NOSTRIN: variants seen among roughly 807,000 people sequenced by gnomAD.
The protein encoded by NOSTRIN is BM247 homolog.
A neutral mutation model predicts 59.0 loss-of-function variants in NOSTRIN; 63 were observed. The ratio of observed to expected loss-of-function variants is 1.07; its 90% CI spans 0.87 to 1.32. The LOEUF (loss-of-function observed/expected upper bound fraction) is 1.32. Among genes scored for constraint, NOSTRIN ranks in the 40% most tolerant of loss-of-function variants. The pLI, the probability that NOSTRIN is intolerant of heterozygous loss-of-function variation, is 0.00. For synonymous variants in NOSTRIN, 200 were observed against 165.4 expected (o/e 1.21, Z -1.61); for missense variants, 512 against 473.1 (o/e 1.08, Z -0.76).
At chr2:168,837,298 A>ATTTT (rs1267903005) in intron 7 of NOSTRIN, among the ~76,000 whole-genome samples, 2 of 84,554 alleles carry the variant, frequency 2.4e-5, no homozygotes, top group African/African-American at 8.3e-5. Flanking sequence ...CTTTTTTAAC[A>ATTTT]TCTTTTTTTT....
intron 1 of NOSTRIN, among the ~76,000 whole-genome samples, chr2:168,808,991 T>C (rs934819350): frequency 1.3e-5 from 2 of 152,218 alleles, no homozygotes; most frequent in African/African-American, 4.8e-5. Flanking sequence ...ATGTGTATTA[T>C]TATTTTCTGT....
intron 8 of NOSTRIN, among the ~76,000 whole-genome samples, chr2:168,846,114 T>C (rs1688405367): frequency 6.6e-6 from 1 of 152,208 alleles, no homozygotes; most frequent in African/African-American, 2.4e-5. Context: ...GGCTTGTGTA[T>C]ACTCAGTCTA....
intron 4 of NOSTRIN, 64 bp from the exon 5 acceptor site, chr2:168,828,356 T>C: frequency 1.2e-6 from 1 of 864,040 alleles, no homozygotes; most frequent in Non-Finnish European, 2.0e-6. Context: ...CCCCAGAAAG[T>C]AATTTGGAAA....
chr2:168,835,799 TTAAA>T (rs992174587), intron 7 of NOSTRIN, among the ~76,000 whole-genome samples: 5 of 152,072 alleles, frequency 3.3e-5, no homozygotes, highest in Admixed American at 1.3e-4. Context: ...GACTCATATA[TTAAA>T]TAAGAGTAAG....
chr2:168,798,352 T>C (rs1314293820), upstream of NOSTRIN: 1 of 152,240 alleles, frequency 6.6e-6, no homozygotes, highest in Admixed American at 6.5e-5. Context: ...AAGTTTTGAA[T>C]TGCCATGAGC....
rs554570194 is a variant in NOSTRIN, at chr2:168,823,934, G to T, written c.114-700G>T. Among the ~76,000 whole-genome samples the T allele has an allele frequency of 2.6e-5, 4 of 152,216 alleles. 1 individual carries two copies. Among genetic ancestry groups the T allele is most frequent in the African/African-American group, 9.6e-5 (4 of 41,530 alleles). ...CTACTAAAAATACAAAATTAGCCGG[G>T]CATTGTGGTACGTGCCTGTAATCCC... is the stretch of plus-strand genomic sequence containing the variant. On this transcript the variant is annotated intron_variant, in intron 2 of 15. Coordinates refer to ENST00000317647, the MANE Select transcript of NOSTRIN (RefSeq NM_001039724.4).
intron 1 of NOSTRIN, among the ~76,000 whole-genome samples, chr2:168,805,935 G>A (rs1161313741): frequency 1.3e-5 from 2 of 152,190 alleles, no homozygotes; most frequent in African/African-American, 2.4e-5. Context: ...AGTGAGATGT[G>A]TAACATGCCA....
intron 2 of NOSTRIN, among the ~76,000 whole-genome samples, chr2:168,812,534 C>T (rs578243418): frequency 6.6e-6 from 1 of 152,260 alleles, no homozygotes; most frequent in South Asian, 2.1e-4. Flanking sequence ...ATGCTATACC[C>T]ATCACATGGG....
chr2:168,849,600 C>G (rs1413423611), intron 8 of NOSTRIN, among the ~76,000 whole-genome samples: 2 of 150,618 alleles, frequency 1.3e-5, no homozygotes, highest in Non-Finnish European at 2.9e-5. Flanking sequence ...AGGTAGTTCA[C>G]CCGTCTCGGC....
chr2:168,824,729 G>A lies in NOSTRIN; in HGVS notation c.197+12G>A, dbSNP rs761050068. On this transcript the variant is annotated intron_variant, in intron 3 of 15. Transcript: ENST00000317647. ...AACACGAGAAAAAGGTAAGTATTGT[G>A]GCAGAGGTAAGGCAAAATCAACCCT... is the stretch of plus-strand genomic sequence containing the variant. 20 of 872,076 alleles carry A rather than the reference G, an allele frequency of 2.3e-5. 1 individual carries two copies. In the South Asian group the frequency reaches 2.4e-4, roughly 10 times the overall value. 54.0% of individuals were successfully genotyped at this position (872,076 alleles called of 1,614,324 possible). A position where few individuals can be genotyped will look rare whatever the true frequency, so the allele number is the denominator to read the frequency against.
chr2:168,865,042 T>C lies in NOSTRIN; in HGVS notation c.*72T>C. On this transcript the variant is annotated 3_prime_UTR_variant, in exon 16 of 16. Transcript: ENST00000317647. ...CAGTGTGGTTCAAATAAGAATAAAG[T>C]GCTCTTACCTTTACATGTTTTTCTT... 1 of 1,511,512 alleles carries C rather than the reference T, an allele frequency of 6.6e-7. No individual in the cohort carries two copies. Among genetic ancestry groups the C allele is most frequent in the South Asian group, 1.2e-5 (1 of 84,156 alleles). 93.6% of individuals were successfully genotyped at this position (1,511,512 alleles called of 1,614,324 possible). A position where few individuals can be genotyped will look rare whatever the true frequency, so the allele number is the denominator to read the frequency against.
intron 7 of NOSTRIN, among the ~76,000 whole-genome samples, chr2:168,841,315 GAAT>G (rs1333951015): frequency 6.7e-6 from 1 of 150,374 alleles, no homozygotes; most frequent in African/African-American, 2.5e-5. Flanking sequence ...TAAAGTTGGA[GAAT>G]AATTCATGCA....
Position 168,864,966 on chromosome 2 carries a change from C to A in NOSTRIN, c.1517C>A (p.Ala506Glu). 6.2e-7 allele frequency: 1 copy of A among 1,613,940 alleles called. No individual in the cohort carries two copies. Among genetic ancestry groups the A allele is most frequent in the Non-Finnish European group, 8.5e-7 (1 of 1,179,970 alleles). ...PSNAGNTATK[A>E] Reference sequence around the variant, plus strand: ...AATGCTGGCAACACAGCTACAAAGGCATAAAACAAGACTCTGAACATACTA... The same window carrying A: ...AATGCTGGCAACACAGCTACAAAGGAATAAAACAAGACTCTGAACATACTA... Residue 506 changes from alanine to glutamate, a missense_variant, in exon 16 of 16, where the codon GCA becomes GAA. Ala to Glu is a moderately radical substitution (Grantham distance 107). Coordinates refer to ENST00000317647, the MANE Select transcript of NOSTRIN (RefSeq NM_001039724.4).
chr2:168,857,334 G>A (rs1015652442), intron 12 of NOSTRIN, among the ~76,000 whole-genome samples: 2 of 152,154 alleles, frequency 1.3e-5, no homozygotes, highest in South Asian at 2.1e-4. Flanking sequence ...CAGGGTTATC[G>A]GAGAATAACA....
chr2:168,849,921 T>TTGTTG (rs779014023), intron 8 of NOSTRIN, among the ~76,000 whole-genome samples: 1 of 140,228 alleles, frequency 7.1e-6, no homozygotes, highest in African/African-American at 2.6e-5. Flanking sequence ...TTTTCTCATT[T>TTGTTG]TTTTTTTTTT....
At position 168,791,914 on chromosome 2, in the gene NOSTRIN, T is replaced by A. The variant is rs1457600939; in HGVS notation, c.-473+3866T>A. 2.0e-5 allele frequency among the ~76,000 whole-genome samples: 3 copies of A among 152,184 alleles called. No homozygotes were observed. In the South Asian group the frequency reaches 6.2e-4, roughly 32 times the overall value. ...CGTCAGATGAGTAGGTGGCAAAAAT[T>A]TTCTCCCATTGTGTAGGTTGCCTGT... On this transcript the variant is annotated intron_variant, in intron 2 of 20. Transcript: ENST00000458381.
chr2:168,826,128 T>C (rs1440758133), intron 3 of NOSTRIN, among the ~76,000 whole-genome samples: 2 of 152,126 alleles, frequency 1.3e-5, no homozygotes, highest in East Asian at 3.9e-4. Context: ...AATACGGTAA[T>C]ATAAGACGTG....
At chr2:168,846,842 A>G (rs1185209495) in intron 8 of NOSTRIN, among the ~76,000 whole-genome samples, 1 of 152,206 alleles carries the variant, frequency 6.6e-6, no homozygotes, top group Non-Finnish European at 1.5e-5. Flanking sequence ...TCTCCCAAGG[A>G]TGGCACTTGA....
At chr2:168,855,244 AT>A (rs1689009818) in intron 10 of NOSTRIN, 107 bp from the exon 11 acceptor site, 4 of 547,104 alleles carry the variant, frequency 7.3e-6, no homozygotes, top group Non-Finnish European at 1.3e-5. Context: ...ATTTTGTTTT[AT>A]TTTATAAAGT....
Sources: allele counts gnomAD v4.1 joint callset (sites outside exome capture counted in the v4.1 genomes callset), GRCh38; gene constraint gnomAD v4.1.1; transcripts MANE v1.5; gene names NCBI Gene and HGNC (gene_info 2026-07-23, HGNC 2026-07-21).